Variants in IL1RAPL2 observed in about 807,000 individuals in gnomAD.
The protein encoded by IL1RAPL2 is X-linked interleukin-1 receptor accessory protein-like 2.
Under a neutral mutation model 44.1 loss-of-function variants are expected in IL1RAPL2, and 3 were observed. The ratio of observed to expected loss-of-function variants is 0.07; its 90% confidence interval spans 0.03 to 0.18. The LOEUF is 0.18. Among genes scored for constraint, IL1RAPL2 ranks in the 10% least tolerant of loss-of-function variants. IL1RAPL2 has a pLI of 1.00. For missense variants in IL1RAPL2, 391 were observed against 496.4 expected (o/e 0.79, Z 2.02); for synonymous variants, 181 against 178.8 (o/e 1.01, Z -0.10).
rs772532884 is a variant in IL1RAPL2 at position 105,528,032 on chromosome X, A to T, written c.772+43645A>T. 4.5e-5 allele frequency among the ~76,000 whole-genome samples: 5 copies of T among 112,293 alleles called. No individual in the cohort carries two copies. The South Asian group carries it at 1.8e-3, about 41-fold the overall frequency. Reference sequence around the variant, plus strand: ...GCAAGGGCTATCAATCATTTCAGGGAATACCCATGTCATAGGATACAGGAA... The same window carrying T: ...GCAAGGGCTATCAATCATTTCAGGGTATACCCATGTCATAGGATACAGGAA... On this transcript the variant is annotated intron_variant, in intron 6 of 10. Coordinates refer to ENST00000372582, the MANE Select transcript of IL1RAPL2 (RefSeq NM_017416.2).
At chrX:105,563,471 A>G (rs770830665) in intron 6 of IL1RAPL2, among the ~76,000 whole-genome samples, 2 of 112,021 alleles carry the variant, frequency 1.8e-5, no homozygotes, top group East Asian at 2.8e-4. Context: ...TTATGGAGGT[A>G]CCTAACAGAA....
chrX:105,720,509 C>T (rs1188971118), intron 7 of IL1RAPL2, among the ~76,000 whole-genome samples: 1 of 111,288 alleles, frequency 9.0e-6, no homozygotes, highest in Non-Finnish European at 1.9e-5. Flanking sequence ...AGATTTCTCC[C>T]ATCTTGTTAT....
intron 2 of IL1RAPL2, among the ~76,000 whole-genome samples, chrX:105,115,320 G>A (rs963622178): frequency 7.2e-5 from 8 of 111,556 alleles, no homozygotes; most frequent in Middle Eastern, 4.3e-3. Context: ...CAGTGTGGAC[G>A]GGGACCAGAA....
At chrX:105,598,257 A>C (rs780777503) in intron 6 of IL1RAPL2, among the ~76,000 whole-genome samples, 22 of 110,870 alleles carry the variant, frequency 2.0e-4, no homozygotes, top group Admixed American at 3.9e-4. Context: ...CACACACACA[A>C]AAAAAGTCAA....
intron 5 of IL1RAPL2, among the ~76,000 whole-genome samples, chrX:105,342,596 A>G (rs1365569933): frequency 8.9e-6 from 1 of 111,952 alleles, no homozygotes; most frequent in East Asian, 2.8e-4. Context: ...ATTGAAGGGA[A>G]GAGAGAACCT....
chrX:104,916,515 CAG>C (rs1924439596), intron 2 of IL1RAPL2, among the ~76,000 whole-genome samples: 2 of 111,519 alleles, frequency 1.8e-5, no homozygotes, highest in African/African-American at 6.5e-5. Flanking sequence ...CATCTGCAAA[CAG>C]GGACAATTTG....
intron 1 of IL1RAPL2, chrX:104,647,311 G>T (rs966492835): frequency 4.5e-6 from 2 of 446,923 alleles, no homozygotes; most frequent in Admixed American, 2.7e-5. Flanking sequence ...CGTCCCCTGC[G>T]GTGGCCAGTG....
intron 2 of IL1RAPL2, among the ~76,000 whole-genome samples, chrX:105,011,163 G>A (rs948898505): frequency 7.2e-5 from 8 of 110,839 alleles, no homozygotes; most frequent in South Asian, 3.7e-4. Context: ...ATATGTAAAG[G>A]TGGTACCAAC....
intron 1 of IL1RAPL2, among the ~76,000 whole-genome samples, chrX:104,637,238 GT>G (rs1017738462): frequency 1.8e-5 from 2 of 110,885 alleles, no homozygotes; most frequent in Admixed American, 9.6e-5. Flanking sequence ...AGAGTCTTTA[GT>G]TTTTTCTAGA....
intron 5 of IL1RAPL2, among the ~76,000 whole-genome samples, chrX:105,427,884 A>G (rs1224116074): frequency 1.8e-5 from 2 of 111,958 alleles, no homozygotes; most frequent in African/African-American, 6.5e-5. Context: ...CTAAAATAAT[A>G]TGTATACAAT....
intron 2 of IL1RAPL2, among the ~76,000 whole-genome samples, chrX:104,992,542 G>T (rs890934310): frequency 9.0e-6 from 1 of 111,097 alleles, no homozygotes; most frequent in Non-Finnish European, 1.9e-5. Context: ...CTACCAAGAT[G>T]CAGGGGCAGT....
chrX:104,855,171 T>C (rs927801396), intron 2 of IL1RAPL2, among the ~76,000 whole-genome samples: 5 of 111,964 alleles, frequency 4.5e-5, no homozygotes, highest in African/African-American at 1.6e-4. Context: ...CTGGACTATA[T>C]AGTAAATACC....
At chrX:105,383,735 A>G (rs771419541) in intron 5 of IL1RAPL2, among the ~76,000 whole-genome samples, 1 of 112,441 alleles carries the variant, frequency 8.9e-6, no homozygotes, top group African/African-American at 3.2e-5. Flanking sequence ...CCAACAGTAT[A>G]GAAGCGTTGC....
chrX:105,203,787 TG>T (rs1369667451), intron 3 of IL1RAPL2, among the ~76,000 whole-genome samples: 1 of 111,952 alleles, frequency 8.9e-6, no homozygotes, highest in Non-Finnish European at 1.9e-5. Flanking sequence ...AGTACTCTCT[TG>T]GCTTTCCTCA....
At chrX:105,139,481 G>C (rs1279837309) in intron 2 of IL1RAPL2, among the ~76,000 whole-genome samples, 1 of 111,615 alleles carries the variant, frequency 9.0e-6, no homozygotes, top group African/African-American at 3.3e-5. Context: ...GGATGCTAAA[G>C]CAAAGTACCA....
intron 6 of IL1RAPL2, among the ~76,000 whole-genome samples, chrX:105,663,161 A>G (rs1038040525): frequency 8.9e-6 from 1 of 111,988 alleles, no homozygotes; most frequent in African/African-American, 3.2e-5. Flanking sequence ...AGTTGTGACA[A>G]TTTGTAAAAA....
chrX:105,375,656 A>T (rs2035382228), intron 5 of IL1RAPL2, among the ~76,000 whole-genome samples: 1 of 112,570 alleles, frequency 8.9e-6, no homozygotes, highest in Non-Finnish European at 1.9e-5. Context: ...TGTTTGAAGA[A>T]AATATATTAA....
At chrX:104,669,771 T>G (rs1243501654) in intron 2 of IL1RAPL2, among the ~76,000 whole-genome samples, 1 of 112,174 alleles carries the variant, frequency 8.9e-6, no homozygotes, top group Non-Finnish European at 1.9e-5. Flanking sequence ...TTACATGCAT[T>G]ATTTTCCTTC....
intron 3 of IL1RAPL2, among the ~76,000 whole-genome samples, chrX:105,226,203 T>C (rs889304007): frequency 6.4e-5 from 7 of 109,991 alleles, no homozygotes; most frequent in Admixed American, 9.8e-5. Flanking sequence ...CCTATGGGAA[T>C]TGAGTTTGTG....
Sources: allele counts gnomAD v4.1 joint callset (sites outside exome capture counted in the v4.1 genomes callset), GRCh38; gene constraint gnomAD v4.1.1; transcripts MANE v1.5; gene names NCBI Gene and HGNC (gene_info 2026-07-23, HGNC 2026-07-21).